Variants in SLC5A3 observed in about 807,000 individuals in gnomAD.
SLC5A3 encodes the protein sodium/myo-inositol cotransporter.
SLC5A3 carries 10 observed loss-of-function variants against 43.2 expected under a neutral mutation model. The ratio of observed to expected loss-of-function variants is 0.23; its 90% CI spans 0.14 to 0.39. SLC5A3 has a LOEUF of 0.39. SLC5A3 is among the 10% of genes least tolerant of loss of function. The pLI, the probability that SLC5A3 is intolerant of heterozygous loss-of-function variation, is 1.00. For missense variants in SLC5A3, 608 were observed against 893.4 expected (o/e 0.68, Z 4.07); for synonymous variants, 349 against 322.0 (o/e 1.08, Z -0.90).
At chr21:34,091,199 TCCAAAG>T (rs1185418051) in intron 1 of SLC5A3, among the ~76,000 whole-genome samples, 1 of 152,320 alleles carries the variant, frequency 6.6e-6, no homozygotes, top group East Asian at 1.9e-4. Flanking sequence ...GTAAATTGAC[TCCAAAG>T]CTAAAAGAGG....
intron 1 of SLC5A3, among the ~76,000 whole-genome samples, chr21:34,093,250 T>C (rs1978799269): frequency 6.6e-6 from 1 of 152,016 alleles, no homozygotes; most frequent in African/African-American, 2.4e-5. Flanking sequence ...TTTTTTTTTT[T>C]TTTTTGCTTT....
rs78729486 is a variant in SLC5A3, at chr21:34,101,526, A to G, written c.*4171A>G. Reference sequence around the variant, plus strand: ...AAATGGGATCTGTTTCTATATGTGTATATGCCCACTTACCATTCAGAGAGA... The same window carrying G: ...AAATGGGATCTGTTTCTATATGTGTGTATGCCCACTTACCATTCAGAGAGA... On this transcript the variant is annotated 3_prime_UTR_variant, in exon 2 of 2. Transcript: ENST00000381151. 3,668 of 1,000,176 alleles carry G rather than the reference A, an allele frequency of 3.7e-3. 103 individuals carry two copies. In the African/African-American group the frequency reaches 0.061, roughly 17 times the overall value. 62.0% of individuals were successfully genotyped at this position (1,000,176 alleles called of 1,614,324 possible).
chr21:34,073,815 C>G (rs1367876232), intron 1 of SLC5A3, 70 bp downstream of exon 1: 4 of 1,234,418 alleles, frequency 3.2e-6, no homozygotes, highest in Non-Finnish European at 4.3e-6. Context: ...CGCCGTCCCC[C>G]GCGCGCCCTG....
chr21:34,098,088 AATG>A lies in SLC5A3; in HGVS notation c.*736_*738del. 1 of 999,554 alleles carries A rather than the reference AATG, an allele frequency of 1.0e-6. No homozygotes were observed. Among genetic ancestry groups the A allele is most frequent in the Non-Finnish European group, 1.2e-6 (1 of 829,454 alleles). 61.9% of individuals were successfully genotyped at this position (999,554 alleles called of 1,614,324 possible). ...GTTACATGTCATGATTGTGTTGTTA[AATG>A]ATTATGGGGGAGAAAATGAAGTAAA... is the stretch of plus-strand genomic sequence containing the variant. On this transcript the variant is annotated 3_prime_UTR_variant, in exon 2 of 2. Coordinates refer to ENST00000381151, the MANE Select transcript of SLC5A3 (RefSeq NM_006933.7).
Position 34,104,062 on chromosome 21 carries a change from CA to C in SLC5A3, c.*6710del. 1.0e-6 allele frequency: 1 copy of C among 1,000,038 alleles called. No homozygotes were observed. The highest frequency in any genetic ancestry group is 1.2e-6 in the Non-Finnish European group (1 of 829,902). 61.9% of individuals were successfully genotyped at this position (1,000,038 alleles called of 1,614,324 possible). A position where few individuals can be genotyped will look rare whatever the true frequency, so the allele number is the denominator to read the frequency against. On this transcript the variant is annotated 3_prime_UTR_variant, in exon 2 of 2. Coordinates refer to ENST00000381151, the MANE Select transcript of SLC5A3 (RefSeq NM_006933.7). Reference sequence around the variant, plus strand: ...TGCAGAAAGTCATACTTTAACAGGGCAAATACTACTTGTCTTTGATTTTTTT... The same window carrying C: ...TGCAGAAAGTCATACTTTAACAGGGCAATACTACTTGTCTTTGATTTTTTT...
At chr21:34,093,646 A>ATT (rs143993992) in intron 1 of SLC5A3, among the ~76,000 whole-genome samples, 1 of 152,266 alleles carries the variant, frequency 6.6e-6, no homozygotes, top group African/African-American at 2.4e-5. Context: ...AGGAGAAATC[A>ATT]TTTAGAAGTT....
chr21:34,080,502 A>C (rs1444955543), intron 1 of SLC5A3, among the ~76,000 whole-genome samples: 3 of 151,898 alleles, frequency 2.0e-5, no homozygotes, highest in African/African-American at 7.3e-5. Context: ...ACAATACCCC[A>C]CCACCTCCAT....
rs1465108459 is a variant in SLC5A3, at chr21:34,104,326, A to G, written c.*6971A>G. On this transcript the variant is annotated 3_prime_UTR_variant, in exon 2 of 2. Coordinates refer to ENST00000381151, the MANE Select transcript of SLC5A3 (RefSeq NM_006933.7). ...TGAAATCTGTTAATGTGTGTGTAGA[A>G]GAAAACGTATGTTCTTCTACTCAGC... 7.0e-6 allele frequency: 7 copies of G among 999,968 alleles called. No individual in the cohort carries two copies. 61.9% of individuals were successfully genotyped at this position (999,968 alleles called of 1,614,324 possible).
Position 34,095,527 on chromosome 21 carries a change from CTGAATACT to C in SLC5A3, c.332_339del (p.Glu111ValfsTer8). On this transcript the variant is annotated frameshift_variant, in exon 2 of 2. Coordinates refer to ENST00000381151, the MANE Select transcript of SLC5A3 (RefSeq NM_006933.7). LOFTEE classifies it high-confidence loss of function. Reference sequence around the variant, plus strand: ...ATCCGGTCAGGGGTATATACCATGCCTGAATACTTGTCCAAGCGATTTGGTGGCCATAG... The same window carrying C: ...ATCCGGTCAGGGGTATATACCATGCCTGTCCAAGCGATTTGGTGGCCATAG... 6.2e-7 allele frequency: 1 copy of C among 1,613,860 alleles called. No individual in the cohort carries two copies. Among genetic ancestry groups the C allele is most frequent in the Non-Finnish European group, 8.5e-7 (1 of 1,180,000 alleles).
chr21:34,073,843 C>G, intron 1 of SLC5A3, 98 bp downstream of exon 1: 1 of 785,524 alleles, frequency 1.3e-6, no homozygotes, highest in Non-Finnish European at 1.7e-6. Flanking sequence ...GACCCCGGGC[C>G]TTCCTGCACT....
chr21:34,104,682 A>G lies in SLC5A3; in HGVS notation c.*7327A>G. 1 of 1,000,302 alleles carries G rather than the reference A, an allele frequency of 1.0e-6. No homozygotes were observed. Among genetic ancestry groups the G allele is most frequent in the Non-Finnish European group, 1.2e-6 (1 of 829,998 alleles). 62.0% of individuals were successfully genotyped at this position (1,000,302 alleles called of 1,614,324 possible). A position where few individuals can be genotyped will look rare whatever the true frequency, so the allele number is the denominator to read the frequency against. On this transcript the variant is annotated 3_prime_UTR_variant, in exon 2 of 2. Transcript: ENST00000381151. ...CCTACCACATTATTTGAGAATATCA[A>G]ACCTCAGGCCTGGGGGGATGAGGGG...
chr21:34,081,720 A>T (rs1042069787), intron 1 of SLC5A3, among the ~76,000 whole-genome samples: 1 of 152,162 alleles, frequency 6.6e-6, no homozygotes, highest in Non-Finnish European at 1.5e-5. Context: ...GTGACCTTGG[A>T]GGTAGTTAAG....
Position 34,104,699 on chromosome 21 carries a change from G to C in SLC5A3, c.*7344G>C, listed in dbSNP as rs1036383656. On this transcript the variant is annotated 3_prime_UTR_variant, in exon 2 of 2. Coordinates refer to ENST00000381151, the MANE Select transcript of SLC5A3 (RefSeq NM_006933.7). The stretch of plus-strand genomic sequence containing the variant: ...GAATATCAAACCTCAGGCCTGGGGG[G>C]ATGAGGGGAAGAAGATTACCAGAAG... 2.2e-5 allele frequency: 22 copies of C among 1,000,026 alleles called. No homozygotes were observed. Among genetic ancestry groups the C allele is most frequent in the Non-Finnish European group, 2.7e-5 (22 of 829,862 alleles). The allele number at this position is 1,000,026 out of a possible 1,614,324, so 61.9% of individuals were successfully genotyped here.
rs1979367423 is a variant in SLC5A3, at chr21:34,104,056, A to T, written c.*6701A>T. On this transcript the variant is annotated 3_prime_UTR_variant, in exon 2 of 2. Transcript: ENST00000381151. ...CAAACATGCAGAAAGTCATACTTTA[A>T]CAGGGCAAATACTACTTGTCTTTGA... The T allele has an allele frequency of 1.0e-6, 1 of 1,000,184 alleles. No homozygotes were observed. Among genetic ancestry groups the T allele is most frequent in the Admixed American group, 6.1e-5 (1 of 16,276 alleles). The allele number at this position is 1,000,184 out of a possible 1,614,324, so 62.0% of individuals were successfully genotyped here.
chr21:34,088,370 G>A (rs1978505651), intron 1 of SLC5A3, among the ~76,000 whole-genome samples: 1 of 122,582 alleles, frequency 8.2e-6, no homozygotes, highest in Non-Finnish European at 1.7e-5. Context: ...GACCCATCAG[G>A]GCTTTGCTGT....
rs764841490 is a variant in SLC5A3 at position 34,096,197 on chromosome 21, A to G, written c.999A>G (p.Pro333=). The G allele has an allele frequency of 3.1e-6, 5 of 1,614,088 alleles. No homozygotes were observed. In the Admixed American group the frequency reaches 5.0e-5, roughly 16 times the overall value. ...LFTDDIACIN[P]EHCMLVCGSR... is the part of the protein sequence containing the mutation. The stretch of plus-strand genomic sequence containing the variant: ...CTGATGATATAGCTTGCATCAACCC[A>G]GAGCACTGCATGCTGGTGTGTGGAA... The change falls in exon 2 of 2, where the codon CCA becomes CCG. Residue 333 remains proline, a synonymous_variant. Transcript: ENST00000381151. This position sits in a 1 kb window ranked among gnomAD's most constrained non-coding sequence, Gnocchi z 5.9.
At chr21:34,088,176 A>G (rs1978492172) in intron 1 of SLC5A3, among the ~76,000 whole-genome samples, 1 of 144,692 alleles carries the variant, frequency 6.9e-6, no homozygotes, top group Non-Finnish European at 1.5e-5. Flanking sequence ...AAGTTGTGGG[A>G]GTTGATAAAG....
chr21:34,095,258 C>G lies in SLC5A3; in HGVS notation c.60C>G (p.Val20=). The G allele has an allele frequency of 6.2e-7, 1 of 1,614,076 alleles. No individual in the cohort carries two copies. The highest frequency in any genetic ancestry group is 8.5e-7 in the Non-Finnish European group (1 of 1,179,942). The change falls in exon 2 of 2, where the codon GTC becomes GTG. Residue 20 remains valine, a synonymous_variant. Transcript: ENST00000381151. ...IAIVALYFIL[V]MCIGFFAMWK... ...TAGTGGCCCTGTATTTTATCCTGGT[C>G]ATGTGCATTGGTTTTTTTGCCATGT...
chr21:34,092,617 A>G (rs1978760670), intron 1 of SLC5A3, among the ~76,000 whole-genome samples: 1 of 152,264 alleles, frequency 6.6e-6, no homozygotes, highest in South Asian at 2.1e-4. Context: ...TTTACCTTGC[A>G]TAAATCAGAT....
Sources: allele counts gnomAD v4.1 joint callset (sites outside exome capture counted in the v4.1 genomes callset), GRCh38; gene constraint gnomAD v4.1.1; non-coding constraint Gnocchi (gnomAD v3.1); transcripts MANE v1.5; gene names NCBI Gene and HGNC (gene_info 2026-07-23, HGNC 2026-07-21).